Variants in UBE2E1 observed in about 807,000 individuals in gnomAD.
UBE2E1 encodes ubiquitin conjugating enzyme E2 E1.
Under a neutral mutation model 21.4 loss-of-function variants are expected in UBE2E1, and 6 were observed. The ratio of observed to expected loss-of-function variants is 0.28; its 90% CI spans 0.15 to 0.55. UBE2E1 has a LOEUF of 0.55. UBE2E1 is among the 20% of genes least tolerant of loss of function. The probability of loss-of-function intolerance (pLI) is 0.93; values close to 1 mark genes in which losing one functional copy is unlikely to be tolerated. For synonymous variants in UBE2E1, 87 were observed against 82.7 expected, an observed-to-expected ratio of 1.05 and a Z score of -0.28; for missense variants, 142 against 236.5, an observed-to-expected ratio of 0.60 and a Z score of 2.62.
At chr3:23,878,854 TAATAGA>T (rs1700975873) in intron 3 of UBE2E1, 3 of 304,206 alleles carry the variant, frequency 9.9e-6, no homozygotes, top group Non-Finnish European at 1.3e-5. Flanking sequence ...AATGTAATAC[TAATAGA>T]AATAGAGTGC....
intron 3 of UBE2E1, among the ~76,000 whole-genome samples, chr3:23,874,675 T>G (rs1003470381): frequency 1.2e-4 from 19 of 152,132 alleles, no homozygotes; most frequent in Non-Finnish European, 2.9e-5. Context: ...AAAGGGCAGA[T>G]TAGAATTGTT....
intron 4 of UBE2E1, 141 bp from the exon 5 acceptor site, chr3:23,888,971 T>TTC: frequency 1.2e-6 from 1 of 848,642 alleles, no homozygotes; most frequent in South Asian, 2.0e-5. Flanking sequence ...AATGAACACT[T>TTC]TCTAATCAAA....
chr3:23,841,162 G>T (rs750812914), intron 3 of UBE2E1, among the ~76,000 whole-genome samples: 32 of 152,110 alleles, frequency 2.1e-4, no homozygotes, highest in Non-Finnish European at 3.1e-4. Context: ...AGATTGAAAA[G>T]ATATAAAGAG....
intron 3 of UBE2E1, among the ~76,000 whole-genome samples, chr3:23,833,604 A>G (rs973819312): frequency 1.3e-5 from 2 of 152,236 alleles, no homozygotes; most frequent in African/African-American, 4.8e-5. Context: ...AATGTTAGCA[A>G]AGCTAGAGAG....
intron 3 of UBE2E1, among the ~76,000 whole-genome samples, chr3:23,880,547 C>A (rs1402276178): frequency 6.6e-6 from 1 of 152,190 alleles, no homozygotes; most frequent in Admixed American, 6.5e-5. Flanking sequence ...CTGGGTGACA[C>A]AGCAAGACTG....
chr3:23,890,409 A>G (rs1277561832), intron 5 of UBE2E1, 100 bp from the exon 6 acceptor site: 1 of 1,092,000 alleles, frequency 9.2e-7, no homozygotes, highest in Non-Finnish European at 1.3e-6. Context: ...GTTTGATCAC[A>G]CATACTTTGT....
intron 3 of UBE2E1, among the ~76,000 whole-genome samples, chr3:23,848,695 G>T (rs1367129551): frequency 6.6e-6 from 1 of 152,212 alleles, no homozygotes; most frequent in Non-Finnish European, 1.5e-5. Context: ...AAGTGGTTTG[G>T]TTGGGGAAAA....
rs72625896 is a variant in UBE2E1, at chr3:23,818,530, G to A, written c.203+7020G>A. Among the ~76,000 whole-genome samples the A allele has an allele frequency of 2.9e-3, 440 of 152,168 alleles. 11 individuals are homozygous for A. In the East Asian group the frequency reaches 0.044, roughly 15 times the overall value. On this transcript the variant is annotated intron_variant, in intron 3 of 5. Transcript: ENST00000306627. The stretch of plus-strand genomic sequence containing the variant: ...ATGTTAAAAGAATGATACAGCAAGC[G>A]CCCACCCTTCACCGTGATTCCTCAG...
chr3:23,837,926 A>G (rs1436883992), intron 3 of UBE2E1, among the ~76,000 whole-genome samples: 2 of 152,164 alleles, frequency 1.3e-5, no homozygotes, highest in Non-Finnish European at 2.9e-5. Context: ...CTTGTCCACT[A>G]ATCTGCATTG....
At chr3:23,824,951 T>A (rs1244783867) in intron 3 of UBE2E1, among the ~76,000 whole-genome samples, 2 of 152,244 alleles carry the variant, frequency 1.3e-5, no homozygotes, top group Admixed American at 6.5e-5. Context: ...GTACCCAGAC[T>A]GTATATATCA....
chr3:23,846,092 T>G (rs1700197161), intron 3 of UBE2E1, among the ~76,000 whole-genome samples: 1 of 152,226 alleles, frequency 6.6e-6, no homozygotes, highest in South Asian at 2.1e-4. Context: ...TGTCATTCTC[T>G]GTATTATTTG....
chr3:23,847,052 A>G (rs1700222664), intron 3 of UBE2E1, among the ~76,000 whole-genome samples: 1 of 152,248 alleles, frequency 6.6e-6, no homozygotes. Flanking sequence ...ACAAAAGAAT[A>G]TAGTTTATCC....
intron 3 of UBE2E1, among the ~76,000 whole-genome samples, chr3:23,875,828 A>G (rs1010437539): frequency 1.3e-5 from 2 of 152,226 alleles, no homozygotes; most frequent in Admixed American, 1.3e-4. Flanking sequence ...GCTGGAGTGC[A>G]GTGGCGTGAT....
rs1447127620 is a variant in UBE2E1 at position 23,890,821 on chromosome 3, C to G, written c.*215C>G. 1 of 427,352 alleles carries G rather than the reference C, an allele frequency of 2.3e-6. No individual in the cohort carries two copies. The highest frequency in any genetic ancestry group is 2.0e-5 in the African/African-American group (1 of 48,882). The allele number at this position is 427,352 out of a possible 1,614,324, so 26.5% of individuals were successfully genotyped here. A position where few individuals can be genotyped will look rare whatever the true frequency, so the allele number is the denominator to read the frequency against. ...GCAACTTTTAAAATTGTCATTAGTTCTGCAATATTAGCTGAAATGTAGTAC... is the reference window on the plus strand; with the variant it reads ...GCAACTTTTAAAATTGTCATTAGTTGTGCAATATTAGCTGAAATGTAGTAC... On this transcript the variant is annotated 3_prime_UTR_variant, in exon 6 of 6. Coordinates refer to ENST00000306627, the MANE Select transcript of UBE2E1 (RefSeq NM_003341.5).
intron 3 of UBE2E1, among the ~76,000 whole-genome samples, chr3:23,882,420 G>C (rs1032015827): frequency 6.6e-6 from 1 of 152,218 alleles, no homozygotes; most frequent in African/African-American, 2.4e-5. Flanking sequence ...CCAGCTAGAC[G>C]TAAAAGTTCT....
chr3:23,881,316 A>G (rs967358086), intron 3 of UBE2E1, among the ~76,000 whole-genome samples: 6 of 152,234 alleles, frequency 3.9e-5, no homozygotes, highest in Non-Finnish European at 7.3e-5. Context: ...AAACTATGTT[A>G]TCTTTTTCTT....
chr3:23,850,824 C>T (rs1053713430), intron 3 of UBE2E1, among the ~76,000 whole-genome samples: 11 of 136,060 alleles, frequency 8.1e-5, no homozygotes, highest in Non-Finnish European at 1.7e-4. Context: ...CAGATGTGCG[C>T]CACCACACCC....
chr3:23,817,064 A>G (rs573609032), intron 3 of UBE2E1, among the ~76,000 whole-genome samples: 1 of 152,354 alleles, frequency 6.6e-6, no homozygotes, highest in African/African-American at 2.4e-5. Context: ...TTTGAGAAAA[A>G]TGCTTATAGC....
At chr3:23,882,313 C>T (rs1312671466) in intron 3 of UBE2E1, among the ~76,000 whole-genome samples, 1 of 152,186 alleles carries the variant, frequency 6.6e-6, no homozygotes, top group Non-Finnish European at 1.5e-5. Flanking sequence ...AAAAGTTCTC[C>T]AAGTCCCCAC....
Sources: allele counts gnomAD v4.1 joint callset (sites outside exome capture counted in the v4.1 genomes callset), GRCh38; gene constraint gnomAD v4.1.1; transcripts MANE v1.5; gene names NCBI Gene and HGNC (gene_info 2026-07-23, HGNC 2026-07-21).